Variants in PRIM2 observed in about 807,000 individuals in gnomAD.
The protein encoded by PRIM2 is DNA primase large subunit.
In PRIM2, 39 loss-of-function variants were observed where a neutral mutation model predicts 67.3. That is an observed-to-expected ratio of 0.58 (90% CI 0.45 to 0.76). The LOEUF (loss-of-function observed/expected upper bound fraction) is 0.76, where lower values mean the gene tolerates loss of function less well. PRIM2 is among the 30% of genes least tolerant of loss of function. PRIM2 has a pLI of 0.00. For synonymous variants in PRIM2, 143 were observed against 198.7 expected, an observed-to-expected ratio of 0.72 and a Z score of 2.36; for missense variants, 398 against 598.7, an observed-to-expected ratio of 0.66 and a Z score of 3.50.
chr6:57,262,602 A>G, the PRIM2 span, among the ~76,000 whole-genome samples: 1 of 152,102 alleles, frequency 6.6e-6, no homozygotes, highest in South Asian at 2.1e-4. Flanking sequence ...AACACAGCAC[A>G]TGCCAAGGGT....
At chr6:57,491,940 C>A (rs1433347982) in intron 7 of PRIM2, among the ~76,000 whole-genome samples, 1 of 152,132 alleles carries the variant, frequency 6.6e-6, no homozygotes, top group Non-Finnish European at 1.5e-5. Context: ...GCGTGTGGCC[C>A]CTTAGTTTGA....
intron 5 of PRIM2, among the ~76,000 whole-genome samples, chr6:57,374,307 T>TTTA (rs1562718660): frequency 2.5e-4 from 13 of 52,990 alleles, no homozygotes; most frequent in African/African-American, 9.5e-4. Flanking sequence ...TTATTTATTT[T>TTTA]TTTTGAGACG....
In PRIM2 at chr6:57,629,458, G is replaced by C. The variant is rs1455923114; in HGVS notation, c.1231-2675G>C. ...GTTATTTAGGAAATCAGTTGGCAGG[G>C]GAAGGGGTTGAGTGGTATCTCATGC... On this transcript the variant is annotated intron_variant, in intron 12 of 13. Transcript: ENST00000615550. 2.2e-3 allele frequency among the ~76,000 whole-genome samples: 335 copies of C among 152,254 alleles called. 6 individuals are homozygous for C. The highest frequency in any genetic ancestry group is 0.017 in the Admixed American group (258 of 15,298).
At chr6:57,527,630 T>C (rs1461077228) in intron 8 of PRIM2, among the ~76,000 whole-genome samples, 3 of 152,212 alleles carry the variant, frequency 2.0e-5, no homozygotes, top group African/African-American at 7.2e-5. Flanking sequence ...TTGCCTCACA[T>C]CTTTTCATGA....
intron 10 of PRIM2, among the ~76,000 whole-genome samples, chr6:57,558,870 A>G (rs1356364817): frequency 1.3e-5 from 2 of 152,072 alleles, no homozygotes; most frequent in Admixed American, 6.6e-5. Context: ...GCTCACACCT[A>G]TAATCTCAGT....
intron 5 of PRIM2, among the ~76,000 whole-genome samples, chr6:57,333,043 C>G (rs1249661858): frequency 6.6e-6 from 1 of 151,828 alleles, no homozygotes; most frequent in African/African-American, 2.4e-5. Context: ...GAGTTATTTT[C>G]TTCGTGGTTT....
intron 7 of PRIM2, among the ~76,000 whole-genome samples, chr6:57,417,124 A>G (rs1771289449): frequency 6.6e-6 from 1 of 151,586 alleles, no homozygotes; most frequent in African/African-American, 2.4e-5. Context: ...GCACCACCAT[A>G]CCCGGCTAAT....
At chr6:57,333,602 C>G (rs1367951931) in intron 5 of PRIM2, among the ~76,000 whole-genome samples, 1 of 151,930 alleles carries the variant, frequency 6.6e-6, no homozygotes, top group Admixed American at 6.6e-5. Context: ...TCTATGTTCT[C>G]TTTTTATAAC....
At chr6:57,521,719 C>T (rs1271872393) in intron 8 of PRIM2, among the ~76,000 whole-genome samples, 1 of 152,038 alleles carries the variant, frequency 6.6e-6, no homozygotes, top group Admixed American at 6.6e-5. Context: ...TAAACTATAA[C>T]CTGCCAGATA....
At chr6:57,371,621 G>A (rs1459035743) in intron 5 of PRIM2, among the ~76,000 whole-genome samples, 2 of 152,168 alleles carry the variant, frequency 1.3e-5, no homozygotes, top group African/African-American at 2.4e-5. Flanking sequence ...ACACAGAGAT[G>A]TATATTAAAA....
intron 7 of PRIM2, among the ~76,000 whole-genome samples, chr6:57,443,870 TTGTC>T (rs1772279687): frequency 6.6e-6 from 1 of 152,136 alleles, no homozygotes; most frequent in Non-Finnish European, 1.5e-5. Context: ...TTCCCATATG[TTGTC>T]TTCTAGTAGT....
At chr6:57,411,409 G>C (rs1265281219) in intron 7 of PRIM2, among the ~76,000 whole-genome samples, 1 of 151,744 alleles carries the variant, frequency 6.6e-6, no homozygotes, top group Admixed American at 6.6e-5. Flanking sequence ...TGGGCAACAT[G>C]GTGAAACCTT....
At chr6:57,412,697 T>A (rs1179904104) in intron 7 of PRIM2, among the ~76,000 whole-genome samples, 3 of 152,130 alleles carry the variant, frequency 2.0e-5, no homozygotes, top group South Asian at 2.1e-4. Flanking sequence ...AATAATTTTT[T>A]AATTTTCTTG....
intron 5 of PRIM2, among the ~76,000 whole-genome samples, chr6:57,333,507 G>A (rs1407846477): frequency 6.6e-6 from 1 of 151,988 alleles, no homozygotes; most frequent in South Asian, 2.1e-4. Flanking sequence ...ACTTTTTTGG[G>A]TTGGGAACTT....
At chr6:57,454,466 G>A (rs546818626) in intron 7 of PRIM2, among the ~76,000 whole-genome samples, 4 of 152,182 alleles carry the variant, frequency 2.6e-5, no homozygotes, top group East Asian at 1.9e-4. Context: ...CAATTTCAGA[G>A]CCTGTTATTG....
chr6:57,536,970 G>A lies in PRIM2; in HGVS notation c.835-470G>A, dbSNP rs1311292831. ...ACAAAACTGTATAAAATTTAATACG[G>A]AAGTAAGTGCATGAGTACAACTGAG... is the stretch of plus-strand genomic sequence containing the variant. On this transcript the variant is annotated intron_variant, in intron 9 of 13. Transcript: ENST00000615550. Among the ~76,000 whole-genome samples the A allele has an allele frequency of 6.5e-4, 99 of 152,266 alleles. No individual in the cohort carries two copies. The Middle Eastern group carries it at 0.01, about 16-fold the overall frequency.
At chr6:57,223,151 T>A in the PRIM2 span, among the ~76,000 whole-genome samples, 21 of 152,164 alleles carry the variant, frequency 1.4e-4, no homozygotes, top group Non-Finnish European at 2.4e-4. Context: ...GGCAATAACG[T>A]GAATCAACTG....
At chr6:57,549,562 G>A (rs1775359450) in intron 10 of PRIM2, among the ~76,000 whole-genome samples, 1 of 151,896 alleles carries the variant, frequency 6.6e-6, no homozygotes, top group South Asian at 2.1e-4. Context: ...AAGTATATAT[G>A]TGAAATACTA....
intron 10 of PRIM2, among the ~76,000 whole-genome samples, chr6:57,574,806 G>C (rs1775932705): frequency 6.7e-6 from 1 of 150,142 alleles, no homozygotes; most frequent in African/African-American, 2.5e-5. Context: ...AAAATTACAG[G>C]GTATCGTTTA....
Sources: gnomAD v4.1 joint callset for allele counts (sites outside exome capture counted in the v4.1 genomes callset) on GRCh38, gnomAD v4.1.1 for gene constraint, MANE v1.5 for transcripts, NCBI Gene and HGNC (gene_info 2026-07-23, HGNC 2026-07-21) for gene names.